DAB1: variants seen among roughly 807,000 people sequenced by gnomAD.
DAB1 encodes the protein DAB adaptor protein 1.
DAB1 carries 15 observed loss-of-function variants against 64.6 expected under a neutral mutation model. The observed-to-expected ratio is 0.23, with a 90% CI of 0.16 to 0.36. DAB1 has a LOEUF of 0.36. Among genes scored for constraint, DAB1 ranks in the 10% least tolerant of loss-of-function variants. The pLI, the probability that DAB1 is intolerant of heterozygous loss-of-function variation, is 1.00. For synonymous variants in DAB1, 235 were observed against 251.9 expected, an observed-to-expected ratio of 0.93 and a Z score of 0.64; for missense variants, 596 against 706.7, an observed-to-expected ratio of 0.84 and a Z score of 1.78.
At chr1:57,365,978 G>C (rs1311358906) in intron 1 of DAB1, among the ~76,000 whole-genome samples, 2 of 152,182 alleles carry the variant, frequency 1.3e-5, no homozygotes, top group African/African-American at 4.8e-5. Context: ...GTGTGAGGTT[G>C]AGGACTATAT....
intron 2 of DAB1, 98 bp from the exon 3 acceptor site, chr1:57,145,527 A>G (rs945024540): frequency 3.0e-6 from 4 of 1,316,054 alleles, no homozygotes; most frequent in African/African-American, 1.5e-5. Flanking sequence ...TTTCATCTAC[A>G]TTCCCGGAAA....
In DAB1 at chr1:57,642,899, T is replaced by C. The variant is rs141252768; in HGVS notation, n.625+6693A>G. Among the ~76,000 whole-genome samples the C allele has an allele frequency of 8.0e-3, 1,217 of 152,344 alleles. 8 individuals are homozygous for C. The highest frequency in any genetic ancestry group is 0.01 in the Non-Finnish European group (703 of 68,034). ...CATGAGTTCTTTGGCAATTCATTAA[T>C]ACCTGTGCACCTCACACAAATATTA... On this transcript the variant is annotated intron_variant and non_coding_transcript_variant, in intron 7 of 20. Transcript: ENST00000485760.
chr1:57,023,536 G>T lies in DAB1; in HGVS notation c.890C>A (p.Pro297His). 2 of 1,590,932 alleles carry T rather than the reference G, an allele frequency of 1.3e-6. No homozygotes were observed. The highest frequency in any genetic ancestry group is 1.7e-6 in the Non-Finnish European group (2 of 1,163,232). ...GCTGGTGGAAGAGGGCTTACCTGAG[G>T]GTACAGCAGCAGTGCCGAAAGGTAC... ...SSVPFGTAAV[P>H]SGYVAMGAVL... Residue 297 changes from proline (P) to histidine (H), a missense_variant, in exon 11 of 15, where the codon CCC becomes CAC. Pro to His is a moderately conservative substitution (Grantham distance 77). Coordinates refer to ENST00000371236, the MANE Select transcript of DAB1 (RefSeq NM_001365792.1).
At chr1:58,048,702 C>G in intron 5 of DAB1, 2 of 1,324,184 alleles carry the variant, frequency 1.5e-6, no homozygotes, top group Admixed American at 3.4e-5. Context: ...TTTCCAGAAC[C>G]ACTTCACCTC....
intron 2 of DAB1, among the ~76,000 whole-genome samples, chr1:57,190,775 T>G (rs777242327): frequency 6.6e-6 from 1 of 152,118 alleles, no homozygotes; most frequent in Non-Finnish European, 1.5e-5. Context: ...CTCCATGCAC[T>G]CAGAGTTGGA....
chr1:58,272,821 A>C (rs1230196642), intron 4 of DAB1, among the ~76,000 whole-genome samples: 2 of 150,178 alleles, frequency 1.3e-5, no homozygotes, highest in Admixed American at 6.6e-5. Context: ...ATCAGAGACT[A>C]GGATTGCAAC....
At chr1:57,765,073 G>A (rs1649250860) in intron 6 of DAB1, among the ~76,000 whole-genome samples, 1 of 152,166 alleles carries the variant, frequency 6.6e-6, no homozygotes, top group Non-Finnish European at 1.5e-5. Context: ...GTTCTACAAT[G>A]TTCTAGCCCA....
chr1:57,688,128 A>G (rs1455994504), intron 6 of DAB1, among the ~76,000 whole-genome samples: 1 of 152,124 alleles, frequency 6.6e-6, no homozygotes, highest in Non-Finnish European at 1.5e-5. Flanking sequence ...TAAACAGACA[A>G]CCAACAGAAT....
At chr1:58,052,242 C>A (rs901329525) in intron 5 of DAB1, among the ~76,000 whole-genome samples, 1 of 152,148 alleles carries the variant, frequency 6.6e-6, no homozygotes, top group African/African-American at 2.4e-5. Flanking sequence ...GGAAGGGATC[C>A]AGTTTCAGCT....
intron 3 of DAB1, among the ~76,000 whole-genome samples, chr1:58,491,061 C>G (rs138854957): frequency 6.6e-6 from 1 of 151,940 alleles, no homozygotes; most frequent in South Asian, 2.1e-4. Flanking sequence ...CCCACCACAG[C>G]CTCCCAAAGT....
chr1:57,751,264 C>T (rs1020337386), intron 6 of DAB1, among the ~76,000 whole-genome samples: 1 of 151,968 alleles, frequency 6.6e-6, no homozygotes, highest in Non-Finnish European at 1.5e-5. Context: ...CATAATATAG[C>T]TAGAAGGAGG....
At chr1:58,390,473 C>T (rs1644467165) in intron 3 of DAB1, among the ~76,000 whole-genome samples, 1 of 152,132 alleles carries the variant, frequency 6.6e-6, no homozygotes, top group Non-Finnish European at 1.5e-5. Flanking sequence ...CTGCTCAATT[C>T]CATGTAACTG....
chr1:58,368,706 T>A (rs138177452), intron 3 of DAB1, among the ~76,000 whole-genome samples: 26 of 152,212 alleles, frequency 1.7e-4, no homozygotes, highest in African/African-American at 5.8e-4. Flanking sequence ...AGCCTGACCA[T>A]CTCCACTTAT....
intron 6 of DAB1, among the ~76,000 whole-genome samples, chr1:57,674,078 G>C (rs551596670): frequency 6.6e-6 from 1 of 152,306 alleles, no homozygotes; most frequent in East Asian, 1.9e-4. Context: ...AGGGGGGCAG[G>C]TTTTCAGAGA....
intron 7 of DAB1, among the ~76,000 whole-genome samples, chr1:57,069,661 C>G (rs879538171): frequency 1.3e-5 from 2 of 152,160 alleles, no homozygotes; most frequent in African/African-American, 2.4e-5. Context: ...TTGCATCGAG[C>G]CTCTGCAGAT....
At chr1:57,113,332 G>T (rs9803840) in intron 4 of DAB1, among the ~76,000 whole-genome samples, 16,833 of 152,180 alleles carry the variant, frequency 0.11, 1,511 homozygotes, top group African/African-American at 0.24. Flanking sequence ...GGAATTTGAG[G>T]CTATTTAAGG....
intron 1 of DAB1, among the ~76,000 whole-genome samples, chr1:57,399,798 A>G (rs184502998): frequency 2.6e-4 from 40 of 152,308 alleles, no homozygotes; most frequent in Middle Eastern, 6.8e-3. Context: ...TTCAAGAGAG[A>G]AAAATCATAT....
intron 6 of DAB1, among the ~76,000 whole-genome samples, chr1:57,736,636 AT>A (rs141396152): frequency 0.012 from 1,882 of 152,216 alleles, 55 homozygotes; most frequent in African/African-American, 0.043. Context: ...GACCTGCATT[AT>A]TATTATTTTT....
chr1:58,288,861 A>C (rs975339257), intron 4 of DAB1, among the ~76,000 whole-genome samples: 3 of 152,160 alleles, frequency 2.0e-5, no homozygotes, highest in African/African-American at 7.2e-5. Context: ...GGAAATCTTT[A>C]TGTGTGCTGG....
Sources: allele counts gnomAD v4.1 joint callset (sites outside exome capture counted in the v4.1 genomes callset), GRCh38; gene constraint gnomAD v4.1.1; transcripts MANE v1.5; gene names NCBI Gene and HGNC (gene_info 2026-07-23, HGNC 2026-07-21).